The following NFIA variants were observed in gnomAD, a reference collection of about 807,000 sequenced individuals.
NFIA encodes the protein nuclear factor I A.
A neutral mutation model predicts 62.8 loss-of-function variants in NFIA; 8 were observed. That is an observed-to-expected ratio of 0.13 (90% CI 0.07 to 0.23). The LOEUF (loss-of-function observed/expected upper bound fraction) is 0.23, where lower values mean the gene tolerates loss of function less well. Among genes scored for constraint, NFIA ranks in the 10% least tolerant of loss-of-function variants. The pLI is 1.00. For missense variants in NFIA, 410 were observed against 642.1 expected (o/e 0.64, Z 3.91); for synonymous variants, 235 against 238.1 (o/e 0.99, Z 0.12).
chr1:61,366,374 A>C (rs1251732077), intron 6 of NFIA, among the ~76,000 whole-genome samples: 3 of 152,226 alleles, frequency 2.0e-5, no homozygotes, highest in Admixed American at 6.5e-5. Context: ...TTTCAAATAT[A>C]TGCATAAGAA....
intron 3 of NFIA, among the ~76,000 whole-genome samples, chr1:61,328,104 ATT>A (rs59499733): frequency 6.7e-6 from 1 of 148,236 alleles, no homozygotes; most frequent in South Asian, 2.1e-4. Flanking sequence ...TTTTGCTGGG[ATT>A]TTTTTTTTTC....
intron 2 of NFIA, among the ~76,000 whole-genome samples, chr1:61,243,627 C>T (rs2100648118): frequency 6.6e-6 from 1 of 152,166 alleles, no homozygotes; most frequent in Non-Finnish European, 1.5e-5. Flanking sequence ...AAAATTAAAT[C>T]ATTTTAAAAT....
chr1:61,220,366 G>C (rs918397083), intron 2 of NFIA, among the ~76,000 whole-genome samples: 2 of 152,158 alleles, frequency 1.3e-5, no homozygotes, highest in Admixed American at 6.5e-5. Flanking sequence ...GGCTAGTCCA[G>C]CAACAGGCTT....
At chr1:61,095,949 T>C (rs1368695619) in intron 2 of NFIA, among the ~76,000 whole-genome samples, 1 of 151,966 alleles carries the variant, frequency 6.6e-6, no homozygotes. Context: ...TATATTTTTA[T>C]ATATATATTT....
At chr1:61,220,623 C>T (rs940220645) in intron 2 of NFIA, among the ~76,000 whole-genome samples, 9 of 152,078 alleles carry the variant, frequency 5.9e-5, no homozygotes, top group Non-Finnish European at 1.2e-4. Flanking sequence ...GAAATTGTAA[C>T]GCTGGGAACA....
chr1:61,216,345 C>A (rs915520715), intron 2 of NFIA, among the ~76,000 whole-genome samples: 4 of 151,676 alleles, frequency 2.6e-5, no homozygotes, highest in African/African-American at 9.7e-5. Context: ...TATCTGTCAT[C>A]GCCACAAACC....
chr1:61,115,643 A>G (rs1044710439), intron 2 of NFIA, among the ~76,000 whole-genome samples: 1 of 152,168 alleles, frequency 6.6e-6, no homozygotes, highest in African/African-American at 2.4e-5. Flanking sequence ...AGAGTGTGTA[A>G]TGCTTCACTT....
At chr1:61,245,619 G>A (rs370959563) in intron 2 of NFIA, among the ~76,000 whole-genome samples, 6 of 152,100 alleles carry the variant, frequency 3.9e-5, no homozygotes, top group African/African-American at 1.4e-4. Flanking sequence ...TCAGTGGTTA[G>A]TATCCACTAA....
intron 2 of NFIA, among the ~76,000 whole-genome samples, chr1:61,267,281 G>A (rs1657233299): frequency 6.6e-6 from 1 of 152,166 alleles, no homozygotes; most frequent in South Asian, 2.1e-4. Flanking sequence ...AGCTGAGGTG[G>A]GTGGATCACC....
chr1:61,161,570 G>C (rs1649203369), intron 2 of NFIA, among the ~76,000 whole-genome samples: 1 of 143,784 alleles, frequency 7.0e-6, no homozygotes, highest in African/African-American at 2.6e-5. Context: ...TTTCTCTCTA[G>C]ACATGCGCCA....
chr1:61,377,932 T>C (rs1196279388), intron 6 of NFIA, among the ~76,000 whole-genome samples: 1 of 152,196 alleles, frequency 6.6e-6, no homozygotes, highest in Non-Finnish European at 1.5e-5. Context: ...AATTATAGTT[T>C]ATGGTGATCC....
chr1:61,255,133 C>T (rs959336756), intron 2 of NFIA, among the ~76,000 whole-genome samples: 6 of 152,142 alleles, frequency 3.9e-5, no homozygotes, highest in Non-Finnish European at 5.9e-5. Context: ...GTTTGTAGAG[C>T]TCTGTTTCTG....
intron 2 of NFIA, among the ~76,000 whole-genome samples, chr1:61,210,258 A>C (rs1653163952): frequency 6.6e-6 from 1 of 152,248 alleles, no homozygotes; most frequent in Non-Finnish European, 1.5e-5. Flanking sequence ...GTAAGCTCAA[A>C]AGAAATCTTC....
chr1:61,397,355 G>A (rs1305510964), intron 7 of NFIA, among the ~76,000 whole-genome samples: 1 of 152,134 alleles, frequency 6.6e-6, no homozygotes, highest in East Asian at 1.9e-4. Context: ...AGGCCCTCAT[G>A]TCATATCCAT....
intron 2 of NFIA, among the ~76,000 whole-genome samples, chr1:61,167,483 A>T (rs1649661521): frequency 6.6e-6 from 1 of 152,214 alleles, no homozygotes; most frequent in African/African-American, 2.4e-5. Context: ...GTTGTGTACA[A>T]AGGGAGCCAC....
intron 6 of NFIA, among the ~76,000 whole-genome samples, chr1:61,361,432 T>C (rs1663284635): frequency 6.6e-6 from 1 of 152,228 alleles, no homozygotes; most frequent in African/African-American, 2.4e-5. Flanking sequence ...CCTGCTTCAG[T>C]GAAAATCAGA....
chr1:61,327,882 A>G (rs1470566780), intron 3 of NFIA, among the ~76,000 whole-genome samples: 1 of 152,140 alleles, frequency 6.6e-6, no homozygotes, highest in African/African-American at 2.4e-5. Flanking sequence ...CCAGCAGTAT[A>G]TAAGCATACC....
chr1:61,088,131 T>A lies in NFIA; in HGVS notation c.28-18T>A. The A allele has an allele frequency of 6.4e-7, 1 of 1,566,520 alleles. No individual in the cohort carries two copies. The highest frequency in any genetic ancestry group is 8.6e-7 in the Non-Finnish European group (1 of 1,161,034). On this transcript the variant is annotated intron_variant, in intron 1 of 10. Coordinates refer to ENST00000403491, the MANE Select transcript of NFIA (RefSeq NM_001134673.4). This position sits in a 1 kb window ranked among gnomAD's most constrained non-coding sequence, Gnocchi z 4.5. ...GTTTTCATTCTACTTATATTTTTCT[T>A]TTTGTTCATTTTCCTAGGATGAATT...
intron 2 of NFIA, among the ~76,000 whole-genome samples, chr1:61,090,801 A>G (rs1046130702): frequency 6.6e-6 from 1 of 152,208 alleles, no homozygotes; most frequent in African/African-American, 2.4e-5. Context: ...GACCGCAGTA[A>G]TGGCTGCTTC....
Sources: gnomAD v4.1 joint callset for allele counts (sites outside exome capture counted in the v4.1 genomes callset) on GRCh38, gnomAD v4.1.1 for gene constraint, Gnocchi (gnomAD v3.1) non-coding constraint, MANE v1.5 for transcripts, NCBI Gene and HGNC (gene_info 2026-07-23, HGNC 2026-07-21) for gene names.